Variants in TCAF1 observed in about 807,000 individuals in gnomAD.
TCAF1 encodes the protein TRPM8 channel-associated factor 1.
Under a neutral mutation model 27.3 loss-of-function variants are expected in TCAF1, and 4 were observed. The ratio of observed to expected loss-of-function variants is 0.15; its 90% CI spans 0.07 to 0.34. The LOEUF (loss-of-function observed/expected upper bound fraction) is 0.34, where lower values mean the gene tolerates loss of function less well. TCAF1 is among the 10% of genes least tolerant of loss of function. The pLI is 1.00. For missense variants in TCAF1, 257 were observed against 425.8 expected (o/e 0.60, Z 3.49); for synonymous variants, 105 against 167.1 (o/e 0.63, Z 2.87).
chr7:143,894,805 T>C (rs1012012487), intron 1 of TCAF1, among the ~76,000 whole-genome samples: 2 of 151,664 alleles, frequency 1.3e-5, no homozygotes, highest in Non-Finnish European at 3.0e-5. Context: ...AAGAGGATAT[T>C]TGCAAATCGC....
Position 143,859,948 on chromosome 7 carries a change from A to G in TCAF1, c.2167+260T>C, listed in dbSNP as rs1314387384. ...TATTATATAATATATATTATATAATATATATTACGGAATATATATTATATA... is the reference window on the plus strand; with the variant it reads ...TATTATATAATATATATTATATAATGTATATTACGGAATATATATTATATA... On this transcript the variant is annotated intron_variant, in intron 6 of 8. Coordinates refer to ENST00000479870, the MANE Select transcript of TCAF1 (RefSeq NM_014719.3). 1.5e-3 allele frequency among the ~76,000 whole-genome samples: 94 copies of G among 64,674 alleles called. 9 individuals carry two copies. Among genetic ancestry groups the G allele is most frequent in the African/African-American group, 4.5e-3 (85 of 18,796 alleles). The allele number at this position is 64,674 out of a possible 152,430, so 42.4% of individuals were successfully genotyped here.
chr7:143,894,354 C>A (rs1412157948), intron 1 of TCAF1, among the ~76,000 whole-genome samples: 1 of 151,758 alleles, frequency 6.6e-6, no homozygotes, highest in African/African-American at 2.4e-5. Flanking sequence ...CTCTTCCCAA[C>A]TCATTTTTAT....
chr7:143,882,501 G>A (rs1242765132), intron 1 of TCAF1: 1 of 985,226 alleles, frequency 1.0e-6, no homozygotes, highest in Non-Finnish European at 1.2e-6. Context: ...AATGCGGCAG[G>A]GGGATGCGGG....
chr7:143,897,061 CAATA>C (rs961681711), intron 1 of TCAF1, among the ~76,000 whole-genome samples: 3 of 139,918 alleles, frequency 2.1e-5, no homozygotes, highest in African/African-American at 7.8e-5. Context: ...GTGGCCATAT[CAATA>C]GATAATGGAA....
chr7:143,891,790 T>C (rs995705772), intron 1 of TCAF1, among the ~76,000 whole-genome samples: 1 of 152,122 alleles, frequency 6.6e-6, no homozygotes, highest in African/African-American at 2.4e-5. Context: ...CCGAGCAGAA[T>C]ACACAGAAAG....
In TCAF1 at chr7:143,859,116, A is replaced by G; in HGVS notation, c.2213T>C (p.Val738Ala). 6.2e-6 allele frequency: 9 copies of G among 1,453,252 alleles called. No homozygotes were observed. The highest frequency in any genetic ancestry group is 8.7e-6 in the Non-Finnish European group (9 of 1,037,938). The allele number at this position is 1,453,252 out of a possible 1,614,324, so 90.0% of individuals were successfully genotyped here. A position where few individuals can be genotyped will look rare whatever the true frequency, so the allele number is the denominator to read the frequency against. Residue 738 changes from valine (V) to alanine (A), a missense_variant, in exon 7 of 9, where the codon GTG becomes GCG. Physicochemically the swap from Val to Ala is moderately conservative, Grantham distance 64. Coordinates refer to ENST00000479870, the MANE Select transcript of TCAF1 (RefSeq NM_014719.3). ...GAGCTTCTCGTTGATGAGCTCCTGC[A>G]CTGACTCCAGATGGCACATGATGGG... is the stretch of plus-strand genomic sequence containing the variant. ...GYPIMCHLESVQELINEKLIR... is the reference protein window; with the variant it reads ...GYPIMCHLESAQELINEKLIR...
At position 143,876,068 on chromosome 7, in the gene TCAF1, TG is replaced by T; in HGVS notation, c.540del (p.Ile181PhefsTer59). On this transcript the variant is annotated frameshift_variant, in exon 2 of 9. Coordinates refer to ENST00000479870, the MANE Select transcript of TCAF1 (RefSeq NM_014719.3). LOFTEE classifies it high-confidence loss of function. ...FPGNLVTSVA[G>X]IYFTDNKGDT... ...TCCCCTTTGTTGTCAGTAAAGTAAA[TG>T]CCAGCCACACTGGTCACGAGGTTCC... The T allele has an allele frequency of 6.2e-7, 1 of 1,611,198 alleles. No homozygotes were observed. Among genetic ancestry groups the T allele is most frequent in the Non-Finnish European group, 8.5e-7 (1 of 1,178,354 alleles).
At chr7:143,892,260 A>G (rs1813670117) in intron 1 of TCAF1, among the ~76,000 whole-genome samples, 1 of 152,198 alleles carries the variant, frequency 6.6e-6, no homozygotes, top group African/African-American at 2.4e-5. Flanking sequence ...AATAAAACAG[A>G]CAATAGTACA....
chr7:143,896,993 C>T (rs1813895367), intron 1 of TCAF1, among the ~76,000 whole-genome samples: 1 of 150,034 alleles, frequency 6.7e-6, no homozygotes, highest in Admixed American at 6.6e-5. Flanking sequence ...TAATGTAGAC[C>T]ATGTTCTGGA....
In TCAF1 at chr7:143,889,774, C is replaced by T. The variant is rs77297963; in HGVS notation, c.-15+12187G>A. On this transcript the variant is annotated intron_variant, in intron 1 of 8. Transcript: ENST00000479870. ...ATAACATTTGCTTATTACTGTAGTG[C>T]TCTGAGAAAGTCAGCCATAGCTTTA... 7.2e-5 allele frequency among the ~76,000 whole-genome samples: 11 copies of T among 152,322 alleles called. No homozygotes were observed. In the East Asian group the frequency reaches 2.1e-3, roughly 29 times the overall value.
chr7:143,891,981 A>G (rs1167338725), intron 1 of TCAF1, among the ~76,000 whole-genome samples: 3 of 152,206 alleles, frequency 2.0e-5, no homozygotes, highest in African/African-American at 7.2e-5. Context: ...AAAGAAAAAG[A>G]AAAATCTGCC....
At chr7:143,882,787 C>T in intron 1 of TCAF1, 1 of 985,748 alleles carries the variant, frequency 1.0e-6, no homozygotes, top group South Asian at 4.7e-5. Context: ...CAGAGCCTGG[C>T]GCAGAGAGGA....
intron 6 of TCAF1, among the ~76,000 whole-genome samples, chr7:143,859,889 A>ATAC (rs1189129653): frequency 1.2e-4 from 10 of 86,724 alleles, no homozygotes; most frequent in African/African-American, 4.6e-4. Context: ...ACATATATAT[A>ATAC]ATATATATTA....
chr7:143,878,894 C>T (rs1346214372), intron 1 of TCAF1, among the ~76,000 whole-genome samples: 1 of 152,150 alleles, frequency 6.6e-6, no homozygotes, highest in African/African-American at 2.4e-5. Flanking sequence ...TCAACCGACC[C>T]AATTTCTAAG....
At chr7:143,881,116 G>A (rs1277217847) in intron 1 of TCAF1, among the ~76,000 whole-genome samples, 3 of 152,196 alleles carry the variant, frequency 2.0e-5, no homozygotes, top group Admixed American at 6.5e-5. Flanking sequence ...TTCCCTTTGA[G>A]AGATGCGTGG....
chr7:143,874,720 T>C (rs1812594166), intron 2 of TCAF1, among the ~76,000 whole-genome samples: 1 of 152,194 alleles, frequency 6.6e-6, no homozygotes, highest in Non-Finnish European at 1.5e-5. Flanking sequence ...TTACTGGTTA[T>C]AGATCCCAGG....
intron 2 of TCAF1, among the ~76,000 whole-genome samples, chr7:143,874,593 A>G (rs1262883337): frequency 6.7e-6 from 1 of 148,572 alleles, no homozygotes; most frequent in Non-Finnish European, 1.5e-5. Context: ...GTGAACATAC[A>G]GAGATCACTG....
intron 1 of TCAF1, among the ~76,000 whole-genome samples, chr7:143,880,475 T>G (rs1812955703): frequency 6.6e-6 from 1 of 152,236 alleles, no homozygotes; most frequent in Non-Finnish European, 1.5e-5. Flanking sequence ...TCACATTGAT[T>G]ACATTAGGAA....
At chr7:143,891,936 T>C (rs2116853286) in intron 1 of TCAF1, among the ~76,000 whole-genome samples, 1 of 151,922 alleles carries the variant, frequency 6.6e-6, no homozygotes, top group East Asian at 1.9e-4. Flanking sequence ...AAAAGAGTGA[T>C]GAAAATAAGA....
Sources: gnomAD v4.1 joint callset for allele counts (sites outside exome capture counted in the v4.1 genomes callset) on GRCh38, gnomAD v4.1.1 for gene constraint, MANE v1.5 for transcripts, NCBI Gene and HGNC (gene_info 2026-07-23, HGNC 2026-07-21) for gene names.